Variants in ADA2 observed in about 807,000 individuals in gnomAD.
The protein encoded by ADA2 is adenosine deaminase 2.
In ADA2, 29 loss-of-function variants were observed where a neutral mutation model predicts 44.2. That is an observed-to-expected ratio of 0.66 (90% CI 0.49 to 0.89). The LOEUF (loss-of-function observed/expected upper bound fraction) is 0.89, where lower values mean the gene tolerates loss of function less well. Ranked by LOEUF, ADA2 falls within the 40% of genes least tolerant of loss-of-function variation. The probability of loss-of-function intolerance (pLI) is 0.00; values close to 1 mark genes in which losing one functional copy is unlikely to be tolerated. For synonymous variants in ADA2, 215 were observed against 234.9 expected, an observed-to-expected ratio of 0.92 and a Z score of 0.77; for missense variants, 637 against 644.8, an observed-to-expected ratio of 0.99 and a Z score of 0.13.
At chr22:17,199,446 T>TCCCTCCCCCCCTCTCTCCTCTTCC in intron 4 of ADA2, 1 of 917,628 alleles carries the variant, frequency 1.1e-6, no homozygotes, top group Non-Finnish European at 1.7e-6. Context: ...CCTCTTCCCC[T>TCCCTCCCCCCCTCTCTCCTCTTCC]CCACCCACGA....
At chr22:17,204,847 T>C (rs2062336046) in intron 3 of ADA2, among the ~76,000 whole-genome samples, 1 of 148,242 alleles carries the variant, frequency 6.7e-6, no homozygotes, top group African/African-American at 2.5e-5. Flanking sequence ...CAGGCTGGAG[T>C]GCAGTGTCAC....
At chr22:17,196,957 G>A (rs1449470330) in intron 4 of ADA2, among the ~76,000 whole-genome samples, 1 of 152,216 alleles carries the variant, frequency 6.6e-6, no homozygotes. Flanking sequence ...CGAATCACCT[G>A]AGGTCAGGAG....
In ADA2 at chr22:17,181,578, T is replaced by TG; in HGVS notation, c.1443-3dup. 1.2e-6 allele frequency: 2 copies of TG among 1,603,030 alleles called. No homozygotes were observed. Among genetic ancestry groups the TG allele is most frequent in the South Asian group, 2.2e-5 (2 of 90,834 alleles). On this transcript the variant is annotated splice_polypyrimidine_tract_variant and splice_region_variant and intron_variant, in intron 9 of 9. Transcript: ENST00000399837. ...TCACTCTCCAACAGGGTACTGTACC[T>TG]GCAGGAAGAGGAGGAGCCCAGGTCA... is the stretch of plus-strand genomic sequence containing the variant.
In ADA2 at chr22:17,191,024, C is replaced by T. The variant is rs548019319; in HGVS notation, c.881+659G>A. 1.1e-3 allele frequency among the ~76,000 whole-genome samples: 175 copies of T among 152,360 alleles called. 1 individual carries two copies. The highest frequency in any genetic ancestry group is 4.1e-3 in the African/African-American group (172 of 41,592). On this transcript the variant is annotated intron_variant, in intron 5 of 9. Transcript: ENST00000399837. ...GATCCCTTCGGTGCCCGCCCCGTGC[C>T]TGACTCCGAGGGACCCCACTGGCTG...
rs1222376688 is a variant in ADA2, at chr22:17,219,418, C to G, written c.-109G>C. On this transcript the variant is annotated 5_prime_UTR_variant, in exon 1 of 10. Transcript: ENST00000399837. The stretch of plus-strand genomic sequence containing the variant: ...GCGCCCCAGCATCTGTGCAGAGCAC[C>G]GGAAAAGCTCACCAACTGTTTCACT... 1 of 152,190 alleles carries G rather than the reference C, an allele frequency of 6.6e-6. No individual in the cohort carries two copies. The highest frequency in any genetic ancestry group is 1.5e-5 in the Non-Finnish European group (1 of 68,076). 9.4% of individuals were successfully genotyped at this position (152,190 alleles called of 1,614,324 possible). A position where few individuals can be genotyped will look rare whatever the true frequency, so the allele number is the denominator to read the frequency against.
At chr22:17,213,000 G>A (rs1297947671) in intron 1 of ADA2, among the ~76,000 whole-genome samples, 1 of 148,596 alleles carries the variant, frequency 6.7e-6, no homozygotes, top group African/African-American at 2.5e-5. Context: ...ATGTTGCCAT[G>A]GCTGGTCTCA....
intron 4 of ADA2, among the ~76,000 whole-genome samples, chr22:17,197,517 T>A (rs2062208305): frequency 6.6e-6 from 1 of 152,166 alleles, no homozygotes; most frequent in East Asian, 1.9e-4. Flanking sequence ...GGGATTCACC[T>A]GCCACCATCT....
At chr22:17,204,524 T>C (rs1315817873) in intron 3 of ADA2, among the ~76,000 whole-genome samples, 1 of 151,704 alleles carries the variant, frequency 6.6e-6, no homozygotes, top group East Asian at 1.9e-4. Context: ...GCAAGAGAAT[T>C]GTTTGAACCC....
chr22:17,192,335 C>T (rs1456979424), intron 4 of ADA2, among the ~76,000 whole-genome samples: 1 of 152,014 alleles, frequency 6.6e-6, no homozygotes, highest in African/African-American at 2.4e-5. Context: ...GAGCAGGTCA[C>T]GGGGGGAGAG....
chr22:17,199,595 G>C (rs1344687645), intron 4 of ADA2: 1 of 1,614,116 alleles, frequency 6.2e-7, no homozygotes, highest in African/African-American at 1.3e-5. Context: ...TCCGGAAAAA[G>C]GAAAATTGAA....
At chr22:17,193,147 C>T (rs2123658103) in intron 4 of ADA2, 4 of 1,416,134 alleles carry the variant, frequency 2.8e-6, no homozygotes, top group East Asian at 4.7e-5. Context: ...TGGTCCACAA[C>T]ATCAAGGAGC....
chr22:17,213,015 C>G (rs907660945), intron 1 of ADA2, among the ~76,000 whole-genome samples: 2 of 150,544 alleles, frequency 1.3e-5, no homozygotes, highest in African/African-American at 2.5e-5. Context: ...GTCTCAAACT[C>G]CTGGGCTCAA....
chr22:17,189,437 G>A (rs2062086493), intron 6 of ADA2, among the ~76,000 whole-genome samples: 1 of 152,162 alleles, frequency 6.6e-6, no homozygotes, highest in Admixed American at 6.6e-5. Context: ...GTGTGGCCAG[G>A]CATGATGGCT....
chr22:17,190,770 T>TG (rs1300657210), intron 5 of ADA2, among the ~76,000 whole-genome samples: 1 of 152,164 alleles, frequency 6.6e-6, no homozygotes, highest in Non-Finnish European at 1.5e-5. Flanking sequence ...CCACTGGCCC[T>TG]GGGAAGGGGC....
chr22:17,193,304 A>G, intron 4 of ADA2: 2 of 634,422 alleles, frequency 3.2e-6, no homozygotes, highest in Non-Finnish European at 5.8e-6. Context: ...AGCAAAGAAA[A>G]TGAGTAGACA....
chr22:17,199,645 G>A, intron 4 of ADA2: 1 of 1,613,374 alleles, frequency 6.2e-7, no homozygotes, highest in Admixed American at 1.7e-5. Flanking sequence ...GGTGGGCGTG[G>A]CTATTAGGAC....
intron 2 of ADA2, 98 bp from the exon 3 acceptor site, chr22:17,207,388 G>A (rs1277742338): frequency 2.3e-6 from 2 of 869,704 alleles, no homozygotes; most frequent in Admixed American, 4.5e-5. Flanking sequence ...CCCATCCCAG[G>A]ACTCTGGGGC....
chr22:17,203,511 G>T, intron 4 of ADA2, 52 bp downstream of exon 4: 1 of 1,447,066 alleles, frequency 6.9e-7, no homozygotes, highest in Non-Finnish European at 9.7e-7. Context: ...TAAGATCTGA[G>T]TCAGGCCAGA....
chr22:17,198,317 G>A (rs1327898276), intron 4 of ADA2, among the ~76,000 whole-genome samples: 2 of 152,194 alleles, frequency 1.3e-5, no homozygotes. Context: ...TAATCTCCCA[G>A]GTGGTGCTAG....
Sources: allele counts gnomAD v4.1 joint callset (sites outside exome capture counted in the v4.1 genomes callset), GRCh38; gene constraint gnomAD v4.1.1; transcripts MANE v1.5; gene names NCBI Gene and HGNC (gene_info 2026-07-23, HGNC 2026-07-21).